The following RNF17 variants were observed in gnomAD, a reference collection of about 807,000 sequenced individuals.
RNF17 encodes the protein spermatogenesis associated 23.
A neutral mutation model predicts 200.5 loss-of-function variants in RNF17; 31 were observed. The observed-to-expected ratio is 0.15, with a 90% confidence interval of 0.12 to 0.21. RNF17 has a LOEUF of 0.21. Among genes scored for constraint, RNF17 ranks in the 10% least tolerant of loss-of-function variants. The pLI, the probability that RNF17 is intolerant of heterozygous loss-of-function variation, is 1.00. For missense variants in RNF17, 1,628 were observed against 1,905.1 expected (o/e 0.85, Z 2.71); for synonymous variants, 606 against 637.8 (o/e 0.95, Z 0.75).
chr13:24,845,964 A>G (rs1267731136), intron 22 of RNF17, among the ~76,000 whole-genome samples: 1 of 152,200 alleles, frequency 6.6e-6, no homozygotes, highest in Non-Finnish European at 1.5e-5. Flanking sequence ...GAGGTGGCTC[A>G]CACCTGTAAT....
At chr13:24,876,551 A>C (rs966542227) in intron 33 of RNF17, among the ~76,000 whole-genome samples, 3 of 152,232 alleles carry the variant, frequency 2.0e-5, no homozygotes, top group African/African-American at 7.2e-5. Context: ...AAGAGTGCGC[A>C]AAGGTTCCAA....
intron 14 of RNF17, 84 bp downstream of exon 14, chr13:24,802,655 C>A: frequency 9.4e-7 from 1 of 1,067,180 alleles, no homozygotes; most frequent in Non-Finnish European, 1.4e-6. Flanking sequence ...AAAACCATGT[C>A]TGTAAAGTAA....
upstream of RNF17, among the ~76,000 whole-genome samples, chr13:24,763,186 G>T (rs1416362117): frequency 6.7e-6 from 1 of 149,158 alleles, no homozygotes. Context: ...AACTATGCTT[G>T]GACAAGTTGC....
In RNF17 at chr13:24,853,859, AATAACTTAG is replaced by A. The variant is rs1426889067; in HGVS notation, c.3331_3339del (p.Leu1111_Asn1113del). ...GTTCTTTTTTGGATGTTACAGAATTAATAACTTAGATAACAGCCATTCATTATCTGAGAA... is the reference window on the plus strand; with the variant it reads ...GTTCTTTTTTGGATGTTACAGAATTAATAACAGCCATTCATTATCTGAGAA... On this transcript the variant is annotated inframe_deletion, in exon 25 of 36. Transcript: ENST00000255324. 1.9e-6 allele frequency: 3 copies of A among 1,597,728 alleles called. No homozygotes were observed. Among genetic ancestry groups the A allele is most frequent in the Non-Finnish European group, 1.7e-6 (2 of 1,173,116 alleles).
At chr13:24,880,673 CT>C (rs1446395037), downstream of RNF17, among the ~76,000 whole-genome samples, 1 of 152,028 alleles carries the variant, frequency 6.6e-6, no homozygotes, top group Non-Finnish European at 1.5e-5. Context: ...ATAAATGTTC[CT>C]CTTTAGGAGC....
At position 24,876,360 on chromosome 13, in the gene RNF17, TG is replaced by T. The variant is rs142952377; in HGVS notation, c.4584-634del. Among the ~76,000 whole-genome samples, 809 of 152,350 alleles carry T rather than the reference TG, an allele frequency of 5.3e-3. 22 individuals are homozygous for T. The East Asian group carries it at 0.081, about 15-fold the overall frequency. On this transcript the variant is annotated intron_variant, in intron 33 of 35. Transcript: ENST00000255324. ...TGGAACTTGGGTTGCTCCCCGCTTT[TG>T]GGTCTTGTGAATAATGCTTCTGCGA... is the stretch of plus-strand genomic sequence containing the variant.
intron 18 of RNF17, among the ~76,000 whole-genome samples, chr13:24,839,713 C>T (rs1384306405): frequency 1.3e-5 from 2 of 152,210 alleles, no homozygotes; most frequent in Middle Eastern, 3.4e-3. Context: ...GCATCTCTTA[C>T]CTTATACAAA....
In RNF17 at chr13:24,853,863, A is replaced by C. The variant is rs767783437; in HGVS notation, c.3329A>C (p.Asn1110Thr). ...GLALRERRIN[N>T]LDNSHSLSEK... is the part of the protein sequence containing the mutation. ...TTTTTTGGATGTTACAGAATTAATA[A>C]CTTAGATAACAGCCATTCATTATCT... The change falls in exon 25 of 36, where the codon AAC becomes ACC. Residue 1110 changes from asparagine to threonine, a missense_variant. This residue lies in a region of RNF17 where 609 missense variants were observed against 681.9 expected (regional missense o/e 0.89). Coordinates refer to ENST00000255324, the MANE Select transcript of RNF17 (RefSeq NM_031277.3). 3.1e-6 allele frequency: 5 copies of C among 1,600,032 alleles called. No individual in the cohort carries two copies. The Admixed American group carries it at 8.7e-5, about 28-fold the overall frequency.
At chr13:24,862,418 T>G (rs1893190830) in intron 27 of RNF17, among the ~76,000 whole-genome samples, 1 of 151,650 alleles carries the variant, frequency 6.6e-6, no homozygotes, top group Non-Finnish European at 1.5e-5. Flanking sequence ...TTGGTCTTTT[T>G]TAAAAAGTCT....
At chr13:24,769,843 G>T (rs1459230337) in intron 2 of RNF17, among the ~76,000 whole-genome samples, 1 of 152,044 alleles carries the variant, frequency 6.6e-6, no homozygotes, top group Non-Finnish European at 1.5e-5. Context: ...TCTGAGTTTG[G>T]GTGAATGTGC....
At chr13:24,772,823 G>T (rs1880975670) in intron 2 of RNF17, among the ~76,000 whole-genome samples, 4 of 151,962 alleles carry the variant, frequency 2.6e-5, no homozygotes, top group Admixed American at 2.6e-4. Context: ...TGTTAGGCAG[G>T]ATGGTCTTGA....
chr13:24,783,842 T>C (rs957251418), intron 6 of RNF17, among the ~76,000 whole-genome samples: 3 of 152,240 alleles, frequency 2.0e-5, no homozygotes, highest in African/African-American at 7.2e-5. Context: ...AAGATGATTT[T>C]ACTTCTTCCT....
chr13:24,867,632 G>T (rs1566249858), intron 30 of RNF17, among the ~76,000 whole-genome samples: 2 of 151,792 alleles, frequency 1.3e-5, no homozygotes, highest in African/African-American at 4.8e-5. Flanking sequence ...TGAATATGAT[G>T]GTTTTACTTA....
At chr13:24,852,908 C>CATTGATTG (rs3039519) in intron 24 of RNF17, among the ~76,000 whole-genome samples, 28 of 151,610 alleles carry the variant, frequency 1.8e-4, no homozygotes, top group Admixed American at 9.2e-4. Context: ...GCTTTATTTC[C>CATTGATTG]ATTGATTGAT....
At chr13:24,785,428 T>A (rs759229835) in intron 6 of RNF17, among the ~76,000 whole-genome samples, 4 of 152,240 alleles carry the variant, frequency 2.6e-5, no homozygotes, top group African/African-American at 4.8e-5. Context: ...TCAGAAAAGA[T>A]ACCTTGTAGG....
intron 5 of RNF17, 139 bp downstream of exon 5, chr13:24,779,886 C>T (rs1301048522): frequency 1.7e-6 from 1 of 572,896 alleles, no homozygotes; most frequent in African/African-American, 1.9e-5. Context: ...GAATGGAAAA[C>T]TTTTCCCATA....
the RNF17 span, among the ~76,000 whole-genome samples, chr13:24,750,370 T>G: frequency 1.3e-5 from 2 of 152,206 alleles, no homozygotes; most frequent in Non-Finnish European, 2.9e-5. Context: ...CAAAGATTAT[T>G]AGTAAATTTA....
chr13:24,764,162 G>A (rs1013781685), upstream of RNF17: 8 of 1,544,174 alleles, frequency 5.2e-6, no homozygotes, highest in Admixed American at 5.3e-5. Flanking sequence ...GAGGGCCGCC[G>A]GGACTCGCAC....
intron 15 of RNF17, among the ~76,000 whole-genome samples, chr13:24,817,051 C>T (rs78616086): frequency 6.6e-6 from 1 of 152,180 alleles, no homozygotes. Context: ...AGGATATTTG[C>T]ATCAGTATTG....
Sources: gnomAD v4.1 joint callset for allele counts (sites outside exome capture counted in the v4.1 genomes callset) on GRCh38, gnomAD v4.1.1 for gene constraint, gnomAD v4.1.1 regional missense constraint, MANE v1.5 for transcripts, NCBI Gene and HGNC (gene_info 2026-07-23, HGNC 2026-07-21) for gene names.